Variants in JAK1 observed in about 807,000 individuals in gnomAD.
The protein encoded by JAK1 is tyrosine-protein kinase JAK1.
A neutral mutation model predicts 136.6 loss-of-function variants in JAK1; 16 were observed. The observed-to-expected ratio is 0.12, with a 90% CI of 0.08 to 0.18. JAK1 has a LOEUF of 0.18. Among genes scored for constraint, JAK1 ranks in the 10% least tolerant of loss-of-function variants. The probability of loss-of-function intolerance (pLI) is 1.00; values close to 1 mark genes in which losing one functional copy is unlikely to be tolerated. For synonymous variants in JAK1, 492 were observed against 519.5 expected, an observed-to-expected ratio of 0.95 and a Z score of 0.72; for missense variants, 859 against 1,450.1, an observed-to-expected ratio of 0.59 and a Z score of 6.62.
rs1042790214 is a variant in JAK1, at chr1:64,844,474, G to A, written c.2252-259C>T. ...TGCCTCCAAGCTCCCCAGGAGGGTC[G>A]TGTGAAGCCAGGCTTCTGAAGCCCT... On this transcript the variant is annotated intron_variant, in intron 16 of 24. Transcript: ENST00000342505. The surrounding 1 kb of genome is among the most constrained non-coding windows in gnomAD (Gnocchi z 5.7). 3.3e-5 allele frequency among the ~76,000 whole-genome samples: 5 copies of A among 152,154 alleles called. No homozygotes were observed. Among genetic ancestry groups the A allele is most frequent in the South Asian group, 2.1e-4 (1 of 4,826 alleles).
rs374990728 is a variant in JAK1, at chr1:64,903,735, G to A, written c.-77-17394C>T. ...ATAAAGTCTTTGCCAGGGATAAAAC[G>A]ACTATGTGGCTGCTGCAGTGACTAT... On this transcript the variant is annotated intron_variant, in intron 1 of 24. Transcript: ENST00000342505. Among the ~76,000 whole-genome samples the A allele has an allele frequency of 3.3e-5, 5 of 152,156 alleles. No individual in the cohort carries two copies. The East Asian group carries it at 5.8e-4, about 18-fold the overall frequency.
chr1:64,890,378 G>A (rs2101350122), intron 1 of JAK1, among the ~76,000 whole-genome samples: 1 of 152,196 alleles, frequency 6.6e-6, no homozygotes, highest in East Asian at 1.9e-4. Context: ...ATGAAAAAAA[G>A]CACAGTAATC....
At chr1:64,838,216 A>T in intron 21 of JAK1, 112 bp from the exon 22 acceptor site, 2 of 1,175,512 alleles carry the variant, frequency 1.7e-6, no homozygotes, top group Non-Finnish European at 2.4e-6. Flanking sequence ...ATCACTGACA[A>T]TTTTTTTGGT....
intron 2 of JAK1, among the ~76,000 whole-genome samples, chr1:65,025,841 C>A (rs1646973732): frequency 1.3e-5 from 2 of 151,978 alleles, no homozygotes; most frequent in Admixed American, 1.3e-4. Context: ...CCATGCCTGG[C>A]TAATTTTTTA....
intron 12 of JAK1, among the ~76,000 whole-genome samples, chr1:64,849,064 G>A (rs1483262230): frequency 2.6e-5 from 4 of 152,182 alleles, no homozygotes; most frequent in Non-Finnish European, 4.4e-5. Context: ...CCGTGGCCAA[G>A]TCATGACACC....
At chr1:64,891,947 G>C (rs1169631648) in intron 1 of JAK1, among the ~76,000 whole-genome samples, 2 of 152,262 alleles carry the variant, frequency 1.3e-5, no homozygotes, top group Non-Finnish European at 2.9e-5. Flanking sequence ...CCAGCTCAAT[G>C]GTTCGGTGCT....
intron 11 of JAK1, among the ~76,000 whole-genome samples, chr1:64,851,632 A>G (rs1570636216): frequency 6.6e-6 from 1 of 152,158 alleles, no homozygotes; most frequent in Admixed American, 6.5e-5. Context: ...CCAACACATT[A>G]CAAAATCCTC....
Position 64,841,575 on chromosome 1 carries a change from G to C in JAK1, c.2430C>G (p.Cys810Trp), listed in dbSNP as rs371560215. Residue 810 changes from cysteine to tryptophan, a missense_variant, in exon 18 of 25, where the codon TGC becomes TGG. Cys to Trp is a radical substitution (Grantham distance 215, BLOSUM62 -2). Transcript: ENST00000342505. ...CCTTACATGATGGTGTCACTGGCCT[G>C]CACCGGCTTTCATAGAATCTCTCTT... ...IEKERFYESR[C>W]RPVTPSCKEL... 10 of 1,614,110 alleles carry C rather than the reference G, an allele frequency of 6.2e-6. No homozygotes were observed. Among genetic ancestry groups the C allele is most frequent in the Non-Finnish European group, 8.5e-6 (10 of 1,180,026 alleles).
intron 2 of JAK1, among the ~76,000 whole-genome samples, chr1:65,006,801 A>G (rs534285934): frequency 6.6e-6 from 1 of 152,318 alleles, no homozygotes; most frequent in South Asian, 2.1e-4. Flanking sequence ...TTTTATCTTC[A>G]TAATATTTAC....
chr1:64,929,029 A>G (rs1185246697), intron 1 of JAK1, among the ~76,000 whole-genome samples: 1 of 152,200 alleles, frequency 6.6e-6, no homozygotes, highest in East Asian at 1.9e-4. Flanking sequence ...ATTCTGAAGG[A>G]AACTGGAATT....
At chr1:65,050,795 A>G (rs997796321) in intron 1 of JAK1, among the ~76,000 whole-genome samples, 3 of 152,206 alleles carry the variant, frequency 2.0e-5, no homozygotes, top group African/African-American at 7.2e-5. Context: ...ACTAATCAAC[A>G]TAATATTAAC....
chr1:65,058,418 T>C (rs971531718), intron 1 of JAK1: 3 of 534,320 alleles, frequency 5.6e-6, no homozygotes, highest in South Asian at 4.2e-5. Context: ...GCTCCTCTGA[T>C]GGAAGGTAAG....
At chr1:64,927,411 T>C (rs941076430) in intron 1 of JAK1, among the ~76,000 whole-genome samples, 3 of 152,308 alleles carry the variant, frequency 2.0e-5, no homozygotes, top group South Asian at 2.1e-4. Context: ...AAATGCTCAA[T>C]AAATATCTGT....
chr1:65,011,005 A>T (rs1646844286), intron 2 of JAK1, among the ~76,000 whole-genome samples: 1 of 152,122 alleles, frequency 6.6e-6, no homozygotes, highest in Admixed American at 6.5e-5. Flanking sequence ...ATAATAATAG[A>T]TATGTTTATA....
chr1:64,878,565 A>G (rs1260854236), intron 4 of JAK1, among the ~76,000 whole-genome samples: 3,747 of 17,000 alleles, frequency 0.22, 61 homozygotes, highest in African/African-American at 0.28. Context: ...TAGTGTGTAT[A>G]TATATATATA....
intron 22 of JAK1, 102 bp downstream of exon 22, chr1:64,837,830 A>G: frequency 3.2e-6 from 3 of 938,872 alleles, no homozygotes; most frequent in Non-Finnish European, 4.7e-6. Context: ...ACCTTGAGTC[A>G]GGCCAGAGGA....
chr1:65,030,935 C>T (rs1488867917), intron 2 of JAK1, among the ~76,000 whole-genome samples: 1 of 152,016 alleles, frequency 6.6e-6, no homozygotes, highest in Non-Finnish European at 1.5e-5. Context: ...GGGTGGAATG[C>T]TTAAGCCTAG....
At chr1:65,025,209 T>C (rs1646968385) in intron 2 of JAK1, among the ~76,000 whole-genome samples, 1 of 152,118 alleles carries the variant, frequency 6.6e-6, no homozygotes, top group South Asian at 2.1e-4. Context: ...CAATCCAAAC[T>C]GCAGTGGCCA....
intron 1 of JAK1, among the ~76,000 whole-genome samples, chr1:64,912,674 C>T (rs558241859): frequency 9.2e-5 from 14 of 152,264 alleles, no homozygotes; most frequent in African/African-American, 3.1e-4. Flanking sequence ...TTTTACATTC[C>T]GGGAGAACTT....
Sources: gnomAD v4.1 joint callset for allele counts (sites outside exome capture counted in the v4.1 genomes callset) on GRCh38, gnomAD v4.1.1 for gene constraint, Gnocchi (gnomAD v3.1) non-coding constraint, MANE v1.5 for transcripts, NCBI Gene and HGNC (gene_info 2026-07-23, HGNC 2026-07-21) for gene names.